EIF4A3: variants seen among roughly 807,000 people sequenced by gnomAD.
EIF4A3 encodes the protein eukaryotic initiation factor 4A-III.
In EIF4A3, 1 loss-of-function variant was observed where a neutral mutation model predicts 55.6. That is an observed-to-expected ratio of 0.02 (90% CI 0.01 to 0.09). The LOEUF (loss-of-function observed/expected upper bound fraction) is 0.09, where lower values mean the gene tolerates loss of function less well. Among genes scored for constraint, EIF4A3 ranks in the 10% least tolerant of loss-of-function variants. EIF4A3 has a pLI of 1.00. For synonymous variants in EIF4A3, 194 were observed against 196.3 expected, an observed-to-expected ratio of 0.99 and a Z score of 0.10; for missense variants, 221 against 540.7, an observed-to-expected ratio of 0.41 and a Z score of 5.86.
intron 4 of EIF4A3, among the ~76,000 whole-genome samples, chr17:80,140,677 A>G (rs764777886): frequency 2.6e-5 from 4 of 152,212 alleles, no homozygotes; most frequent in African/African-American, 9.6e-5. Flanking sequence ...AAGCTATATC[A>G]TTAACAGAAA....
Position 80,146,798 on chromosome 17 carries a change from G to T in EIF4A3, c.164C>A (p.Ala55Asp). Residue 55 changes from alanine (A) to aspartate (D), a missense_variant, in exon 1 of 12, where the codon GCT (alanine) becomes GAT (aspartate). By Grantham distance (126) the Ala-to-Asp change is moderately radical. Coordinates refer to ENST00000649764, the MANE Select transcript of EIF4A3 (RefSeq NM_014740.4). ...LREDLLRGIYAYGFEKPSAIQ... is the reference protein window; with the variant it reads ...LREDLLRGIYDYGFEKPSAIQ... ...CGCGGCCCGCGCCCGCTCACCGTAA[G>T]CGTAGATGCCCCGCAGCAGGTCCTC... is the stretch of plus-strand genomic sequence containing the variant. 6.2e-7 allele frequency: 1 copy of T among 1,607,984 alleles called. No homozygotes were observed.
chr17:80,136,609 A>C, intron 9 of EIF4A3: 1 of 474,646 alleles, frequency 2.1e-6, no homozygotes, highest in South Asian at 3.2e-5. Flanking sequence ...TAACTTGTTT[A>C]ATCGGTCCTA....
intron 6 of EIF4A3, 121 bp from the exon 7 acceptor site, chr17:80,139,283 A>C (rs1378393010): frequency 1.5e-5 from 21 of 1,362,234 alleles, no homozygotes; most frequent in Non-Finnish European, 2.0e-5. Context: ...GTTTGACAGG[A>C]AATCTCATTT....
chr17:80,137,094 C>T (rs576822840), intron 9 of EIF4A3: 31 of 271,834 alleles, frequency 1.1e-4, no homozygotes, highest in East Asian at 7.1e-5. Flanking sequence ...TTAAACTAAT[C>T]GAAACGATGA....
At chr17:80,138,806 G>A in intron 7 of EIF4A3, 1 of 598,680 alleles carries the variant, frequency 1.7e-6, no homozygotes, top group Non-Finnish European at 2.8e-6. Flanking sequence ...ATGTTGCCCA[G>A]CCTATTTGGT....
At chr17:80,137,568 T>G in intron 8 of EIF4A3, 67 bp from the exon 9 acceptor site, 3 of 1,231,402 alleles carry the variant, frequency 2.4e-6, no homozygotes, top group Non-Finnish European at 2.3e-6. Flanking sequence ...CATTCGGGAC[T>G]TTACCGCATC....
At chr17:80,139,245 G>GGC in intron 6 of EIF4A3, 83 bp from the exon 7 acceptor site, 2 of 1,552,348 alleles carry the variant, frequency 1.3e-6, no homozygotes, top group Non-Finnish European at 1.8e-6. Flanking sequence ...GTTCCCACTG[G>GGC]GTTAGAGGCA....
intron 6 of EIF4A3, 29 bp downstream of exon 6, chr17:80,139,641 T>C (rs1403402373): frequency 3.8e-6 from 6 of 1,587,148 alleles, no homozygotes; most frequent in African/African-American, 1.3e-5. Context: ...ATTATGTCAG[T>C]AGAAGAGTAA....
chr17:80,138,023 C>T, intron 8 of EIF4A3, 119 bp downstream of exon 8: 2 of 1,331,288 alleles, frequency 1.5e-6, no homozygotes, highest in Non-Finnish European at 2.1e-6. Flanking sequence ...AGAACACATA[C>T]CCTGAAAGCT....
intron 3 of EIF4A3, 90 bp from the exon 4 acceptor site, chr17:80,141,471 CTA>C: frequency 8.0e-7 from 1 of 1,250,890 alleles, no homozygotes; most frequent in Non-Finnish European, 1.2e-6. Context: ...ATGAGAAATA[CTA>C]TCTCATATTA....
rs779391749 is a variant in EIF4A3 at position 80,139,755 on chromosome 17, AAC to A, written c.506-7_506-6del. 8.7e-6 allele frequency: 14 copies of A among 1,612,060 alleles called. No individual in the cohort carries two copies. Among genetic ancestry groups the A allele is most frequent in the Admixed American group, 5.0e-5 (3 of 59,588 alleles). ...GGCTTCTGCGACGAATCATATCTAT[AAC>A]ATGAGATTTTGAAATACTTACGACA... On this transcript the variant is annotated splice_polypyrimidine_tract_variant and splice_region_variant and intron_variant, in intron 5 of 11. Transcript: ENST00000649764.
At chr17:80,141,890 G>GGCCAC in intron 2 of EIF4A3, 42 bp from the exon 3 acceptor site, 1 of 1,564,522 alleles carries the variant, frequency 6.4e-7, no homozygotes, top group Non-Finnish European at 8.8e-7. Context: ...AGGGAGGACA[G>GGCCAC]GCCACGCCAC....
chr17:80,143,750 G>T (rs1240320449), intron 2 of EIF4A3, among the ~76,000 whole-genome samples: 1 of 152,170 alleles, frequency 6.6e-6, no homozygotes, highest in Non-Finnish European at 1.5e-5. Context: ...AGGCCAAGGA[G>T]GGTGGATCAC....
intron 9 of EIF4A3, chr17:80,136,546 G>A (rs117136018): frequency 0.05 from 28,068 of 557,546 alleles, 906 homozygotes; most frequent in Middle Eastern, 0.095. Flanking sequence ...TAGTTACTTC[G>A]GTCATGTGCT....
At chr17:80,144,327 GGTTT>G in intron 1 of EIF4A3, 83 bp from the exon 2 acceptor site, 1 of 1,382,972 alleles carries the variant, frequency 7.2e-7, no homozygotes, top group Non-Finnish European at 1.0e-6. Flanking sequence ...GGGCAGACAT[GGTTT>G]GTTTTTTGAA....
At chr17:80,144,511 A>T (rs2039643186) in intron 1 of EIF4A3, among the ~76,000 whole-genome samples, 2 of 109,086 alleles carry the variant, frequency 1.8e-5, no homozygotes, top group Non-Finnish European at 4.5e-5. Flanking sequence ...GTTTTGTTTA[A>T]AAAAAAAAAA....
chr17:80,143,573 G>A (rs2039634736), intron 2 of EIF4A3, among the ~76,000 whole-genome samples: 1 of 152,190 alleles, frequency 6.6e-6, no homozygotes. Context: ...CTTCTGTGCT[G>A]ATGACTGTTG....
rs757440540 is a variant in EIF4A3 at position 80,136,345 on chromosome 17, G to C, written c.984-10C>G. 6.2e-6 allele frequency: 10 copies of C among 1,607,882 alleles called. No homozygotes were observed. Among genetic ancestry groups the C allele is most frequent in the South Asian group, 2.2e-5 (2 of 90,514 alleles). ...AGAAATAAGCACTCGGCTGCAAAAA[G>C]AAAGAGTGTTTGAGGCGATTAAATT... On this transcript the variant is annotated splice_polypyrimidine_tract_variant and intron_variant, in intron 9 of 11. Transcript: ENST00000649764.
chr17:80,138,961 A>G (rs1297840847), intron 7 of EIF4A3, 60 bp downstream of exon 7: 10 of 1,594,794 alleles, frequency 6.3e-6, no homozygotes, highest in Non-Finnish European at 8.6e-6. Context: ...AAATTACGAC[A>G]TAAAATCCTT....
Sources: allele counts gnomAD v4.1 joint callset (sites outside exome capture counted in the v4.1 genomes callset), GRCh38; gene constraint gnomAD v4.1.1; transcripts MANE v1.5; gene names NCBI Gene and HGNC (gene_info 2026-07-23, HGNC 2026-07-21).